The following GLYATL1 variants were observed in gnomAD, a reference collection of about 807,000 sequenced individuals.
GLYATL1 encodes the protein glycine N-acyltransferase-like protein 1.
A neutral mutation model predicts 20.0 loss-of-function variants in GLYATL1; 15 were observed. That is an observed-to-expected ratio of 0.75 (90% CI 0.50 to 1.15). The LOEUF (loss-of-function observed/expected upper bound fraction) is 1.15. GLYATL1 is among the 50% of genes most tolerant of loss of function. The probability of loss-of-function intolerance (pLI) is 0.00; values close to 1 mark genes in which losing one functional copy is unlikely to be tolerated. For synonymous variants in GLYATL1, 151 were observed against 131.5 expected (o/e 1.15, Z -1.01); for missense variants, 380 against 368.5 (o/e 1.03, Z -0.26).
At chr11:58,951,818 A>G (rs1195486121) in intron 4 of GLYATL1, among the ~76,000 whole-genome samples, 3 of 151,794 alleles carry the variant, frequency 2.0e-5, no homozygotes, top group Non-Finnish European at 4.4e-5. Flanking sequence ...TTATTTTGTT[A>G]TTGCTTTGTG....
chr11:58,946,839 G>A, intron 2 of GLYATL1: 2 of 610,022 alleles, frequency 3.3e-6, no homozygotes, highest in Non-Finnish European at 5.9e-6. Flanking sequence ...TTTGGAGACA[G>A]TCATATATGG....
At chr11:58,929,690 G>T (rs1315158361) in intron 1 of GLYATL1, among the ~76,000 whole-genome samples, 1 of 152,128 alleles carries the variant, frequency 6.6e-6, no homozygotes, top group African/African-American at 2.4e-5. Context: ...TAGTTAGCTG[G>T]TTTCTCAGAC....
chr11:58,943,486 T>C (rs992233132), intron 1 of GLYATL1, 57 bp from the exon 2 acceptor site: 15 of 1,545,394 alleles, frequency 9.7e-6, no homozygotes, highest in Non-Finnish European at 1.3e-5. Flanking sequence ...CACAAATTGT[T>C]TGTTGCTTAA....
At chr11:58,932,758 A>G (rs1011748837) in intron 1 of GLYATL1, among the ~76,000 whole-genome samples, 3 of 152,252 alleles carry the variant, frequency 2.0e-5, no homozygotes, top group African/African-American at 7.2e-5. Context: ...AAAGTTTACT[A>G]TTTATACCTT....
chr11:58,938,268 CT>C (rs1855926126), upstream of GLYATL1, among the ~76,000 whole-genome samples: 1 of 152,124 alleles, frequency 6.6e-6, no homozygotes, highest in Admixed American at 6.5e-5. Flanking sequence ...AATTTGGGAA[CT>C]TTTTTGAAAG....
chr11:58,935,630 C>T (rs1049170910), upstream of GLYATL1: 5 of 152,112 alleles, frequency 3.3e-5, no homozygotes, highest in East Asian at 1.9e-4. Context: ...TCCAGTTTCA[C>T]GGCATCCAAT....
chr11:58,945,605 T>C (rs565841649), intron 2 of GLYATL1, among the ~76,000 whole-genome samples: 1 of 152,264 alleles, frequency 6.6e-6, no homozygotes, highest in East Asian at 1.9e-4. Context: ...GAATTAAAAC[T>C]TTTAAAATCT....
At position 58,943,381 on chromosome 11, in the gene GLYATL1, C is replaced by T. The variant is rs942866954; in HGVS notation, c.-166-162C>T. On this transcript the variant is annotated intron_variant, in intron 1 of 6. Coordinates refer to ENST00000532726, the MANE Select transcript of GLYATL1 (RefSeq NM_001389712.2). ...CTGTACCTGATTTCTGGTTCCTGTA[C>T]ATCACTTTACCTTTTTTGTCTATAA... The T allele has an allele frequency of 5.2e-6, 8 of 1,541,436 alleles. No individual in the cohort carries two copies. In the Admixed American group the frequency reaches 1.4e-4, roughly 28 times the overall value.
At chr11:58,908,635 T>A (rs947791824), downstream of GLYATL1, 9 of 153,500 alleles carry the variant, frequency 5.9e-5, no homozygotes, top group African/African-American at 1.9e-4. Flanking sequence ...TCCTAAAGAA[T>A]AATAGTTATA....
chr11:58,943,579 G>GTA lies in GLYATL1; in HGVS notation c.-128_-127dup. On this transcript the variant is annotated 5_prime_UTR_variant, in exon 2 of 7. It introduces an in-frame stop codon into an upstream open reading frame of the 5' UTR. Transcript: ENST00000532726. ...AGAAGGATCTGAAGTGGAGCTTCTAGTATCCCCAGGAGCGCGAAGTGAACA... is the reference window on the plus strand; with the variant it reads ...AGAAGGATCTGAAGTGGAGCTTCTAGTATATCCCCAGGAGCGCGAAGTGAACA... 6.2e-7 allele frequency: 1 copy of GTA among 1,613,564 alleles called. No individual in the cohort carries two copies. Among genetic ancestry groups the GTA allele is most frequent in the Non-Finnish European group, 8.5e-7 (1 of 1,179,664 alleles).
rs116801120 is a variant in GLYATL1, at chr11:58,928,896, T to G, written c.-212+1067T>G. 5.1e-3 allele frequency among the ~76,000 whole-genome samples: 773 copies of G among 152,318 alleles called. 6 individuals carry two copies. Among genetic ancestry groups the G allele is most frequent in the African/African-American group, 0.018 (739 of 41,570 alleles). On this transcript the variant is annotated intron_variant, in intron 1 of 7. Transcript: ENST00000317391. ...ACTACCCCCAAGAGGGCCATCTGTC[T>G]CAAAGGTTACTTAATGGAGGTAGGG...
chr11:58,940,188 G>T (rs1455178648), intron 1 of GLYATL1, among the ~76,000 whole-genome samples: 11 of 152,162 alleles, frequency 7.2e-5, no homozygotes, highest in Non-Finnish European at 8.8e-5. Context: ...GGCCAAGTTA[G>T]TATGTGATAT....
At position 58,946,992 on chromosome 11, in the gene GLYATL1, A is replaced by T; in HGVS notation, c.-42-54A>T. On this transcript the variant is annotated intron_variant, in intron 2 of 6. Transcript: ENST00000532726. ...ACTTGAATGGAGATGTATAAAGTGC[A>T]TTTTAAATTCATTTGTTTCCTTAAC... 2.3e-6 allele frequency: 3 copies of T among 1,320,618 alleles called. No individual in the cohort carries two copies. The East Asian group carries it at 6.9e-5, about 30-fold the overall frequency. 81.8% of individuals were successfully genotyped at this position (1,320,618 alleles called of 1,614,324 possible).
intron 1 of GLYATL1, among the ~76,000 whole-genome samples, chr11:58,931,082 A>T (rs1299615813): frequency 6.6e-6 from 1 of 152,196 alleles, no homozygotes; most frequent in Non-Finnish European, 1.5e-5. Context: ...ACTGAAATGC[A>T]TTATCTCATC....
intron 1 of GLYATL1, among the ~76,000 whole-genome samples, chr11:58,914,458 A>C (rs1446973905): frequency 6.6e-6 from 1 of 152,206 alleles, no homozygotes; most frequent in African/African-American, 2.4e-5. Flanking sequence ...GTGTTTTAAG[A>C]AAGTTAACAT....
chr11:58,955,603 T>G lies in GLYATL1; in HGVS notation c.492-7T>G, dbSNP rs767783070. 1 of 1,611,540 alleles carries G rather than the reference T, an allele frequency of 6.2e-7. No individual in the cohort carries two copies. The highest frequency in any genetic ancestry group is 8.5e-7 in the Non-Finnish European group (1 of 1,178,256). ...AAAGTTGTTGTCTTTCTTTTTGTTG[T>G]CTACAGTGAAACTCCCAACTTTAAG... On this transcript the variant is annotated splice_polypyrimidine_tract_variant and splice_region_variant and intron_variant, in intron 6 of 6. Transcript: ENST00000532726.
chr11:58,935,502 C>T (rs866909675), upstream of GLYATL1: 8 of 152,248 alleles, frequency 5.3e-5, no homozygotes, highest in Middle Eastern at 3.4e-3. Flanking sequence ...TTTCTGTAAC[C>T]TTTCACCTGG....
intron 1 of GLYATL1, among the ~76,000 whole-genome samples, chr11:58,915,837 G>A (rs898632752): frequency 1.3e-5 from 2 of 152,238 alleles, no homozygotes; most frequent in African/African-American, 4.8e-5. Context: ...GGTCTCTGAA[G>A]CAGTGATAGA....
chr11:58,954,554 T>C lies in GLYATL1; in HGVS notation c.187-216T>C, dbSNP rs187649532. Among the ~76,000 whole-genome samples the C allele has an allele frequency of 8.5e-5, 13 of 152,326 alleles. No homozygotes were observed. The East Asian group carries it at 2.5e-3, about 29-fold the overall frequency. On this transcript the variant is annotated intron_variant, in intron 4 of 6. Transcript: ENST00000532726. The stretch of plus-strand genomic sequence containing the variant: ...TGATAAGGAGGTTTATAACCAATAC[T>C]TGTCAGTGTTAAATATTTAACAAAC...
Sources: gnomAD v4.1 joint callset for allele counts (sites outside exome capture counted in the v4.1 genomes callset) on GRCh38, gnomAD v4.1.1 for gene constraint, MANE v1.5 for transcripts, NCBI Gene and HGNC (gene_info 2026-07-23, HGNC 2026-07-21) for gene names.